Variants in PCGF5 observed in about 807,000 individuals in gnomAD.
PCGF5 encodes polycomb group RING finger protein 5.
In PCGF5, 9 loss-of-function variants were observed where a neutral mutation model predicts 44.3. The observed-to-expected ratio is 0.20, with a 90% CI of 0.12 to 0.35. The LOEUF is 0.35. Among genes scored for constraint, PCGF5 ranks in the 10% least tolerant of loss-of-function variants. The probability of loss-of-function intolerance (pLI) is 1.00; values close to 1 mark genes in which losing one functional copy is unlikely to be tolerated. For missense variants in PCGF5, 146 were observed against 305.3 expected (o/e 0.48, Z 3.89); for synonymous variants, 95 against 102.5 (o/e 0.93, Z 0.44).
rs1217376726 is a variant in PCGF5, at chr10:91,281,076, ATTACT to A, written c.*2764_*2768del. 2 of 152,518 alleles carry A rather than the reference ATTACT, an allele frequency of 1.3e-5. No individual in the cohort carries two copies. Among genetic ancestry groups the A allele is most frequent in the Admixed American group, 6.5e-5 (1 of 15,286 alleles). The allele number at this position is 152,518 out of a possible 1,614,324, so 9.4% of individuals were successfully genotyped here. A position where few individuals can be genotyped will look rare whatever the true frequency, so the allele number is the denominator to read the frequency against. The stretch of plus-strand genomic sequence containing the variant: ...TAAAGAATGACTGTGGTTTATAAAC[ATTACT>A]TTAATTGAAGTAATCACATCAGTTA... On this transcript the variant is annotated 3_prime_UTR_variant, in exon 10 of 10. Coordinates refer to ENST00000336126, the MANE Select transcript of PCGF5 (RefSeq NM_032373.5).
chr10:91,240,762 A>G (rs1845301835), intron 3 of PCGF5, among the ~76,000 whole-genome samples, 182 bp downstream of exon 3: 1 of 152,078 alleles, frequency 6.6e-6, no homozygotes, highest in Non-Finnish European at 1.5e-5. Context: ...AAGGTTTTAC[A>G]TCTTAAATAT....
At chr10:91,246,105 A>G (rs1210846304) in intron 3 of PCGF5, among the ~76,000 whole-genome samples, 1 of 152,212 alleles carries the variant, frequency 6.6e-6, no homozygotes, top group Non-Finnish European at 1.5e-5. Flanking sequence ...ATGACTGACC[A>G]TAGAACAGAT....
At chr10:91,177,016 T>A (rs1024568174) in intron 1 of PCGF5, among the ~76,000 whole-genome samples, 1 of 152,198 alleles carries the variant, frequency 6.6e-6, no homozygotes, top group African/African-American at 2.4e-5. Context: ...TCTGCTCTGT[T>A]TTTTCCCCAT....
At chr10:91,252,684 T>G (rs1845649903) in intron 6 of PCGF5, among the ~76,000 whole-genome samples, 1 of 152,052 alleles carries the variant, frequency 6.6e-6, no homozygotes, top group Non-Finnish European at 1.5e-5. Flanking sequence ...ATCCCCCTTT[T>G]TGGGAAGTTC....
upstream of PCGF5, among the ~76,000 whole-genome samples, chr10:91,158,718 T>C (rs1395873336): frequency 6.6e-6 from 1 of 152,172 alleles, no homozygotes; most frequent in Non-Finnish European, 1.5e-5. Flanking sequence ...AAGAATTAGA[T>C]ACCCCAAACA....
upstream of PCGF5, among the ~76,000 whole-genome samples, chr10:91,216,976 A>G (rs1844552418): frequency 1.3e-5 from 2 of 152,138 alleles, no homozygotes. Context: ...TGTTAAAGAC[A>G]CTCTATGTTA....
At chr10:91,195,481 TATATAGAGAG>T (rs1292101648) in intron 1 of PCGF5, among the ~76,000 whole-genome samples, 12 of 134,586 alleles carry the variant, frequency 8.9e-5, no homozygotes, top group South Asian at 7.0e-4. Context: ...CATATATATA[TATATAGAGAG>T]AGAGAGAGAG....
intron 2 of PCGF5, among the ~76,000 whole-genome samples, chr10:91,224,670 A>G (rs901879931): frequency 6.6e-6 from 1 of 152,156 alleles, no homozygotes; most frequent in African/African-American, 2.4e-5. Context: ...GTCTGTATAA[A>G]GGGAAAATTA....
chr10:91,161,745 G>A (rs988439859), upstream of PCGF5, among the ~76,000 whole-genome samples: 3 of 152,200 alleles, frequency 2.0e-5, no homozygotes, highest in African/African-American at 4.8e-5. Context: ...TGCAAGATGA[G>A]GTTTGCGGAC....
intron 2 of PCGF5, among the ~76,000 whole-genome samples, chr10:91,237,308 A>G (rs569300077): frequency 2.3e-4 from 35 of 152,338 alleles, no homozygotes; most frequent in Middle Eastern, 3.4e-3. Flanking sequence ...TAATAACAGT[A>G]TATCATCCAA....
upstream of PCGF5, among the ~76,000 whole-genome samples, chr10:91,219,404 T>C (rs568320456): frequency 1.3e-5 from 2 of 152,362 alleles, no homozygotes; most frequent in South Asian, 2.1e-4. Flanking sequence ...TTTTATATAT[T>C]GTGGTATATA....
chr10:91,177,293 G>T (rs1355240683), intron 1 of PCGF5, among the ~76,000 whole-genome samples: 2 of 152,156 alleles, frequency 1.3e-5, no homozygotes, highest in African/African-American at 4.8e-5. Flanking sequence ...GTACCCGGCT[G>T]TGTGAGGCGT....
At position 91,242,610 on chromosome 10, in the gene PCGF5, T is replaced by C. The variant is rs534563354; in HGVS notation, c.209+2030T>C. On this transcript the variant is annotated intron_variant, in intron 3 of 9. Coordinates refer to ENST00000336126, the MANE Select transcript of PCGF5 (RefSeq NM_032373.5). ...ATCATATATTTTTTAACTTTTTATTTGGAAATAACTTCAAACTTAGAATCC... is the reference window on the plus strand; with the variant it reads ...ATCATATATTTTTTAACTTTTTATTCGGAAATAACTTCAAACTTAGAATCC... Among the ~76,000 whole-genome samples the C allele has an allele frequency of 3.3e-5, 5 of 152,302 alleles. No homozygotes were observed. The East Asian group carries it at 9.6e-4, about 29-fold the overall frequency.
Position 91,281,815 on chromosome 10 carries a change from A to G in PCGF5, c.*3499A>G, listed in dbSNP as rs1589418645. The stretch of plus-strand genomic sequence containing the variant: ...CAATAATCAGAACACACTTCCTTTC[A>G]AATATGTTCATTGTTTTTCAGCATC... On this transcript the variant is annotated 3_prime_UTR_variant, in exon 10 of 10. Coordinates refer to ENST00000336126, the MANE Select transcript of PCGF5 (RefSeq NM_032373.5). 6.6e-6 allele frequency: 1 copy of G among 152,242 alleles called. No individual in the cohort carries two copies. Among genetic ancestry groups the G allele is most frequent in the Non-Finnish European group, 1.5e-5 (1 of 68,034 alleles). 9.4% of individuals were successfully genotyped at this position (152,242 alleles called of 1,614,324 possible).
intron 2 of PCGF5, among the ~76,000 whole-genome samples, chr10:91,233,479 T>C (rs1845067180): frequency 6.6e-6 from 1 of 152,228 alleles, no homozygotes; most frequent in African/African-American, 2.4e-5. Context: ...GGGTTCTCTG[T>C]GAAATTGCAA....
At chr10:91,188,722 G>C (rs1232782782) in intron 1 of PCGF5, among the ~76,000 whole-genome samples, 1 of 152,118 alleles carries the variant, frequency 6.6e-6, no homozygotes, top group Non-Finnish European at 1.5e-5. Flanking sequence ...AGAGTCCTCT[G>C]TTATGGAGGT....
At chr10:91,227,790 A>G in intron 2 of PCGF5, 3 of 990,732 alleles carry the variant, frequency 3.0e-6, no homozygotes, top group Non-Finnish European at 3.6e-6. Context: ...ACACATACAA[A>G]TACTTGGTTC....
chr10:91,190,438 T>A (rs1385605279), intron 1 of PCGF5, among the ~76,000 whole-genome samples: 1 of 152,226 alleles, frequency 6.6e-6, no homozygotes, highest in African/African-American at 2.4e-5. Context: ...TGTCAGATAA[T>A]CTGCCCCACC....
In PCGF5 at chr10:91,245,716, A is replaced by AT. The variant is rs1564647592; in HGVS notation, c.210-2788dup. ...GGCAGACAGCGAGTACATGGTGCAG[A>AT]TGCTATAGGTAGGTATGGTGGCCGG... On this transcript the variant is annotated intron_variant, in intron 3 of 9. Coordinates refer to ENST00000336126, the MANE Select transcript of PCGF5 (RefSeq NM_032373.5). 2.0e-5 allele frequency among the ~76,000 whole-genome samples: 3 copies of AT among 152,106 alleles called. No homozygotes were observed. The South Asian group carries it at 6.2e-4, about 32-fold the overall frequency.
Sources: gnomAD v4.1 joint callset for allele counts (sites outside exome capture counted in the v4.1 genomes callset) on GRCh38, gnomAD v4.1.1 for gene constraint, MANE v1.5 for transcripts, NCBI Gene and HGNC (gene_info 2026-07-23, HGNC 2026-07-21) for gene names.